PCDHA5: variants seen among roughly 807,000 people sequenced by gnomAD.
PCDHA5 encodes protocadherin alpha-5.
In PCDHA5, 43 loss-of-function variants were observed where a neutral mutation model predicts 61.6. That is an observed-to-expected ratio of 0.70 (90% CI 0.55 to 0.90). The LOEUF (loss-of-function observed/expected upper bound fraction) is 0.90, where lower values mean the gene tolerates loss of function less well. PCDHA5 is among the 40% of genes least tolerant of loss of function. The pLI is 0.00. For synonymous variants in PCDHA5, 627 were observed against 543.9 expected, an observed-to-expected ratio of 1.15 and a Z score of -2.13; for missense variants, 1,298 against 1,222.7, an observed-to-expected ratio of 1.06 and a Z score of -0.92.
intron 3 of PCDHA5, among the ~76,000 whole-genome samples, chr5:140,998,180 A>C (rs2097799784): frequency 6.6e-6 from 1 of 152,122 alleles, no homozygotes; most frequent in East Asian, 1.9e-4. Context: ...TATTCTAAGC[A>C]CTTTACAAGT....
chr5:140,852,107 A>T, intron 1 of PCDHA5: 1 of 907,274 alleles, frequency 1.1e-6, no homozygotes, highest in East Asian at 1.2e-4. Context: ...ATATTTTACA[A>T]GGTATGACCT....
chr5:140,866,561 T>C (rs2049423335), intron 1 of PCDHA5: 1 of 152,136 alleles, frequency 6.6e-6, no homozygotes, highest in Non-Finnish European at 1.5e-5. Context: ...TCCTATAATT[T>C]TGTTAATACA....
At chr5:140,914,451 C>A (rs879984519) in intron 1 of PCDHA5, among the ~76,000 whole-genome samples, 1 of 152,094 alleles carries the variant, frequency 6.6e-6, no homozygotes, top group Non-Finnish European at 1.5e-5. Context: ...TCTTTATTTT[C>A]CAGTCTATGT....
At position 140,887,505 on chromosome 5, in the gene PCDHA5, T is replaced by G. The variant is rs185975578; in HGVS notation, c.2352+63378T>G. On this transcript the variant is annotated intron_variant, in intron 1 of 3. Transcript: ENST00000529859. ...GGCTTGCATAGTTTCTAATAAGATG[T>G]TTGCTTTTTTATATATGAGTCTTCC... Among the ~76,000 whole-genome samples, 465 of 152,304 alleles carry G rather than the reference T, an allele frequency of 3.1e-3. 3 individuals carry two copies. The highest frequency in any genetic ancestry group is 0.014 in the Middle Eastern group (4 of 294).
At chr5:140,824,875 A>C (rs1229928755) in intron 1 of PCDHA5, 16 of 152,018 alleles carry the variant, frequency 1.1e-4, no homozygotes, top group African/African-American at 3.9e-4. Flanking sequence ...TTTTTGCAGC[A>C]TATGGTTTAT....
chr5:140,829,465 C>T, intron 1 of PCDHA5: 1 of 1,613,822 alleles, frequency 6.2e-7, no homozygotes, highest in Non-Finnish European at 8.5e-7. Flanking sequence ...TCGCGCAGCC[C>T]GAGTACACAG....
At chr5:140,944,907 T>A (rs246063) in intron 1 of PCDHA5, among the ~76,000 whole-genome samples, 85,748 of 151,952 alleles carry the variant, frequency 0.56, 24,800 homozygotes, top group African/African-American at 0.69. Flanking sequence ...TTCCACAAAC[T>A]TCTCTTTATA....
intron 1 of PCDHA5, chr5:140,843,004 C>G (rs782142006): frequency 6.3e-7 from 1 of 1,595,032 alleles, no homozygotes; most frequent in Non-Finnish European, 8.6e-7. Flanking sequence ...AGAATGACAA[C>G]GCGCCGGCAC....
chr5:140,927,921 G>A, intron 1 of PCDHA5: 2 of 1,614,194 alleles, frequency 1.2e-6, no homozygotes, highest in South Asian at 1.1e-5. Context: ...TGGACTTCCT[G>A]ACTCTTTCGA....
chr5:140,997,668 T>TTGTGTGTGTGTGTGTG (rs35184029), intron 3 of PCDHA5, among the ~76,000 whole-genome samples: 13 of 148,244 alleles, frequency 8.8e-5, no homozygotes, highest in African/African-American at 2.2e-4. Flanking sequence ...ATTATACAGC[T>TTGTGTGTGTGTGTGTG]TGTGTGTGTG....
chr5:140,837,640 T>C (rs1438744422), intron 1 of PCDHA5, among the ~76,000 whole-genome samples: 1 of 151,670 alleles, frequency 6.6e-6, no homozygotes, highest in Non-Finnish European at 1.5e-5. Flanking sequence ...TTCCTTTCTT[T>C]CTTTCTTTCT....
At chr5:140,870,015 T>C (rs367677663) in intron 1 of PCDHA5, 5 of 1,613,476 alleles carry the variant, frequency 3.1e-6, no homozygotes, top group Admixed American at 1.7e-5. Context: ...TGAGGGTCAA[T>C]GGAACTTTAG....
rs1554148266 is a variant in PCDHA5 at position 140,856,152 on chromosome 5, A to C, written c.2352+32025A>C. On this transcript the variant is annotated intron_variant, in intron 1 of 3. Coordinates refer to ENST00000529859, the MANE Select transcript of PCDHA5 (RefSeq NM_018908.3). ...AGCGGCCAGCTCCACTACTCAGTCT[A>C]CGAGGAGGCCAGACACGGCACCTTC... The C allele has an allele frequency of 6.3e-6, 10 of 1,598,178 alleles. 1 individual carries two copies. Among genetic ancestry groups the C allele is most frequent in the Middle Eastern group, 1.7e-4 (1 of 5,990 alleles).
intron 1 of PCDHA5, chr5:140,843,536 C>G: frequency 6.3e-7 from 1 of 1,595,956 alleles, no homozygotes; most frequent in Non-Finnish European, 8.6e-7. Context: ...CAAGCCCACT[C>G]TGGTGTGCTC....
intron 3 of PCDHA5, 79 bp downstream of exon 3, chr5:140,982,642 G>T: frequency 6.5e-7 from 1 of 1,529,982 alleles, no homozygotes; most frequent in Non-Finnish European, 8.8e-7. Flanking sequence ...GATCAGGAAT[G>T]TTGATGGCTC....
intron 1 of PCDHA5, among the ~76,000 whole-genome samples, chr5:140,890,025 T>G (rs1438426095): frequency 2.0e-5 from 3 of 152,178 alleles, no homozygotes; most frequent in African/African-American, 7.2e-5. Context: ...TGTAGAAGGC[T>G]TCAGGTGACT....
chr5:140,966,968 G>C, intron 1 of PCDHA5: 2 of 1,602,616 alleles, frequency 1.2e-6, no homozygotes, highest in Non-Finnish European at 1.7e-6. Context: ...GCTGGGGCTT[G>C]AGCTGCGGCG....
In PCDHA5 at chr5:141,010,336, G is replaced by A. The variant is rs1297379181; in HGVS notation, c.*399G>A. ...AGATTGAGCAGCTTGGGAGTTTGTG[G>A]CCACTGGGTATGTGTGGCTACCGCG... On this transcript the variant is annotated 3_prime_UTR_variant, in exon 4 of 4. Coordinates refer to ENST00000529859, the MANE Select transcript of PCDHA5 (RefSeq NM_018908.3). 25 of 1,535,806 alleles carry A rather than the reference G, an allele frequency of 1.6e-5. No individual in the cohort carries two copies. The highest frequency in any genetic ancestry group is 2.2e-5 in the Non-Finnish European group (25 of 1,141,450).
At chr5:141,003,502 G>C (rs1384211644) in intron 3 of PCDHA5, among the ~76,000 whole-genome samples, 3 of 151,992 alleles carry the variant, frequency 2.0e-5, no homozygotes, top group African/African-American at 2.4e-5. Context: ...TAGTAGAGAT[G>C]GGGTTTCACC....
Sources: allele counts gnomAD v4.1 joint callset (sites outside exome capture counted in the v4.1 genomes callset), GRCh38; gene constraint gnomAD v4.1.1; transcripts MANE v1.5; gene names NCBI Gene and HGNC (gene_info 2026-07-23, HGNC 2026-07-21).